LONRF3: variants seen among roughly 807,000 people sequenced by gnomAD.
The protein encoded by LONRF3 is LON peptidase N-terminal domain and ring finger 3, also known as LON peptidase N-terminal domain and RING finger protein 3.
In LONRF3, 19 loss-of-function variants were observed where a neutral mutation model predicts 51.7. That is an observed-to-expected ratio of 0.37 (90% confidence interval 0.26 to 0.54). The LOEUF (loss-of-function observed/expected upper bound fraction) is 0.54, where lower values mean the gene tolerates loss of function less well. Ranked by LOEUF, LONRF3 falls within the 20% of genes least tolerant of loss-of-function variation. The pLI is 0.86. For synonymous variants in LONRF3, 265 were observed against 257.8 expected (o/e 1.03, Z -0.27); for missense variants, 521 against 623.9 (o/e 0.84, Z 1.76).
At chrX:119,013,478 T>A (rs1925246862) in intron 9 of LONRF3, among the ~76,000 whole-genome samples, 1 of 112,225 alleles carries the variant, frequency 8.9e-6, no homozygotes, top group South Asian at 3.7e-4. Flanking sequence ...GGGAGTTAAG[T>A]CTCTGCCAAA....
chrX:118,976,118 G>C (rs1465839158), intron 1 of LONRF3, among the ~76,000 whole-genome samples: 7 of 112,901 alleles, frequency 6.2e-5, no homozygotes, highest in Non-Finnish European at 1.3e-4. Flanking sequence ...TGTCCGGTCG[G>C]CGCCTGCGTC....
At chrX:118,991,370 A>G (rs945444954) in intron 5 of LONRF3, among the ~76,000 whole-genome samples, 2 of 96,762 alleles carry the variant, frequency 2.1e-5, no homozygotes, top group Non-Finnish European at 4.1e-5. Context: ...CTCAAAGTTC[A>G]AGGACTACTG....
intron 10 of LONRF3, among the ~76,000 whole-genome samples, chrX:119,016,096 G>T (rs906817636): frequency 6.3e-5 from 7 of 111,976 alleles, no homozygotes; most frequent in African/African-American, 2.3e-4. Flanking sequence ...ATTTGGTGAC[G>T]ATCAGAGGAA....
rs1252180985 is a variant in LONRF3, at chrX:119,017,968, A to G, written c.*278A>G. On this transcript the variant is annotated 3_prime_UTR_variant, in exon 11 of 11. Transcript: ENST00000371628. Reference sequence around the variant, plus strand: ...AAAAACATAATTTGATTTTAACATTAAAATTTCCAAAAGTTTAAAGTGGTT... The same window carrying G: ...AAAAACATAATTTGATTTTAACATTGAAATTTCCAAAAGTTTAAAGTGGTT... 5.0e-6 allele frequency: 1 copy of G among 199,860 alleles called. No homozygotes were observed. Among genetic ancestry groups the G allele is most frequent in the African/African-American group, 2.9e-5 (1 of 34,223 alleles). The allele number at this position is 199,860 out of a possible 1,213,427, so 16.5% of individuals were successfully genotyped here.
chrX:119,012,640 A>G (rs371959567), intron 8 of LONRF3, among the ~76,000 whole-genome samples: 9 of 111,456 alleles, frequency 8.1e-5, no homozygotes, highest in African/African-American at 2.9e-4. Context: ...TTGCCCTTTT[A>G]TATTAATAAC....
chrX:118,985,078 T>C (rs1428616868), intron 3 of LONRF3, among the ~76,000 whole-genome samples: 1 of 112,296 alleles, frequency 8.9e-6, no homozygotes, highest in Non-Finnish European at 1.9e-5. Flanking sequence ...CCAACTTTTG[T>C]TTTCCAATGC....
intron 5 of LONRF3, among the ~76,000 whole-genome samples, chrX:118,999,656 C>G (rs1196304713): frequency 9.0e-6 from 1 of 111,703 alleles, no homozygotes; most frequent in African/African-American, 3.3e-5. Flanking sequence ...CTTGTTTGTC[C>G]TTGAACTCAA....
rs1921921327 is a variant in LONRF3, at chrX:118,975,333, G to A, written c.553G>A (p.Gly185Arg). ...CTTTTGTAAACTGTGCCTGGAACGT[G>A]GGCGGGCCGCCGACCGGCGCTGTGC... ...HTFCKLCLER[G>R]RAADRRCALC... Residue 185 changes from glycine (G) to arginine (R), a missense_variant, in exon 1 of 11, where the codon GGG becomes AGG. Around this residue, in one of 2 missense-constraint regions of LONRF3, gnomAD observed 376 missense variants for 376.7 expected, o/e 1.00. Coordinates refer to ENST00000371628, the MANE Select transcript of LONRF3 (RefSeq NM_001031855.3). The A allele has an allele frequency of 8.3e-7, 1 of 1,209,034 alleles. No individual in the cohort carries two copies. Among genetic ancestry groups the A allele is most frequent in the Non-Finnish European group, 1.1e-6 (1 of 894,807 alleles).
At chrX:119,001,373 C>T (rs1924305014) in intron 5 of LONRF3, among the ~76,000 whole-genome samples, 1 of 112,299 alleles carries the variant, frequency 8.9e-6, no homozygotes, top group South Asian at 3.8e-4. Flanking sequence ...TCTGACCTGA[C>T]ATCCCAAAGC....
In LONRF3 at chrX:119,008,669, G is replaced by T. The variant is rs187739106; in HGVS notation, c.1531-457G>T. 1.8e-4 allele frequency among the ~76,000 whole-genome samples: 20 copies of T among 111,976 alleles called. No homozygotes were observed. The East Asian group carries it at 5.3e-3, about 30-fold the overall frequency. On this transcript the variant is annotated intron_variant, in intron 6 of 10. Coordinates refer to ENST00000371628, the MANE Select transcript of LONRF3 (RefSeq NM_001031855.3). The stretch of plus-strand genomic sequence containing the variant: ...CTGGGAGTGGGACAGGGCAGGAAAG[G>T]TTCAGTGATTGAAAATTGCTTTTTA...
At chrX:118,998,785 T>C (rs183153388) in intron 5 of LONRF3, among the ~76,000 whole-genome samples, 180 of 111,980 alleles carry the variant, frequency 1.6e-3, no homozygotes, top group Non-Finnish European at 2.7e-3. Flanking sequence ...CACTGCATCC[T>C]CTGCCTCCCA....
intron 5 of LONRF3, among the ~76,000 whole-genome samples, chrX:118,997,498 C>G (rs978775041): frequency 8.9e-6 from 1 of 112,420 alleles, no homozygotes; most frequent in Non-Finnish European, 1.9e-5. Context: ...AGCCTAAGAC[C>G]TGAAACTATA....
intron 3 of LONRF3, 76 bp downstream of exon 3, chrX:118,983,019 G>T (rs1922688037): frequency 9.1e-7 from 1 of 1,101,172 alleles, no homozygotes; most frequent in South Asian, 2.1e-5. Flanking sequence ...GGGGAGTGAG[G>T]GTGCTGTCCT....
intron 10 of LONRF3, among the ~76,000 whole-genome samples, chrX:119,015,118 C>T (rs755471423): frequency 1.1e-4 from 12 of 111,698 alleles, no homozygotes; most frequent in East Asian, 5.6e-4. Flanking sequence ...TCAGGGAATA[C>T]TGTCTTTCTA....
chrX:119,012,781 G>A (rs1925195378), intron 8 of LONRF3: 3 of 640,015 alleles, frequency 4.7e-6, no homozygotes, highest in Non-Finnish European at 6.8e-6. Flanking sequence ...TGTAGAGGAG[G>A]CAAACATTCA....
chrX:118,998,558 G>T (rs1487928481), intron 5 of LONRF3, among the ~76,000 whole-genome samples: 4 of 111,172 alleles, frequency 3.6e-5, no homozygotes, highest in Admixed American at 9.5e-5. Flanking sequence ...CACCACTAAA[G>T]AACCTACTCA....
chrX:119,014,207 G>T lies in LONRF3; in HGVS notation c.1975G>T (p.Val659Phe), dbSNP rs1244388281. 3 of 1,201,849 alleles carry T rather than the reference G, an allele frequency of 2.5e-6. No homozygotes were observed. The highest frequency in any genetic ancestry group is 3.4e-6 in the Non-Finnish European group (3 of 891,696). Reference protein sequence around the residue: ...ADIEYIEDQKVQGEDCAELMG... With the variant: ...ADIEYIEDQKFQGEDCAELMG... Reference sequence around the variant, plus strand: ...TTCACTTCCACTTTGATACTTTCAGGTTCAGGGAGAGGATTGTGCTGAGCT... The same window carrying T: ...TTCACTTCCACTTTGATACTTTCAGTTTCAGGGAGAGGATTGTGCTGAGCT... The change falls in exon 10 of 11, where the codon GTT becomes TTT. Residue 659 changes from valine (V) to phenylalanine (F), a missense_variant and splice_region_variant. By Grantham distance (50) the Val-to-Phe change is conservative (BLOSUM62 -1). Coordinates refer to ENST00000371628, the MANE Select transcript of LONRF3 (RefSeq NM_001031855.3).
chrX:118,975,425 T>G lies in LONRF3; in HGVS notation c.645T>G (p.Ala215=). 8.4e-7 allele frequency: 1 copy of G among 1,191,156 alleles called. No homozygotes were observed. The highest frequency in any genetic ancestry group is 1.1e-6 in the Non-Finnish European group (1 of 885,750). ...GGCGGGCGCGTGGAGCCCGGCGGGC[T>G]GGGCAGCAGCCGCCGCCGCCGCTGC... is the stretch of plus-strand genomic sequence containing the variant. ...ATGRARGARR[A]GQQPPPPLRV... Residue 215 remains alanine (A), a synonymous_variant, in exon 1 of 11, where the codon GCT becomes GCG. Transcript: ENST00000371628.
chrX:118,982,057 C>A (rs190073690), intron 2 of LONRF3, among the ~76,000 whole-genome samples: 1 of 112,050 alleles, frequency 8.9e-6, no homozygotes, highest in Non-Finnish European at 1.9e-5. Context: ...TCCTTCTTCC[C>A]CAGGATGTTC....
Sources: allele counts gnomAD v4.1 joint callset (sites outside exome capture counted in the v4.1 genomes callset), GRCh38; gene constraint gnomAD v4.1.1; regional missense constraint gnomAD v4.1.1; transcripts MANE v1.5; gene names NCBI Gene and HGNC (gene_info 2026-07-23, HGNC 2026-07-21).